The following TRAF5 variants were observed in gnomAD, a reference collection of about 807,000 sequenced individuals.
TRAF5 encodes TNF receptor associated factor 5.
A neutral mutation model predicts 64.5 loss-of-function variants in TRAF5; 48 were observed. The ratio of observed to expected loss-of-function variants is 0.74; its 90% CI spans 0.59 to 0.95. The LOEUF (loss-of-function observed/expected upper bound fraction) is 0.95, where lower values mean the gene tolerates loss of function less well. Among genes scored for constraint, TRAF5 ranks in the 40% least tolerant of loss-of-function variants. The pLI, the probability that TRAF5 is intolerant of heterozygous loss-of-function variation, is 0.00. For synonymous variants in TRAF5, 206 were observed against 240.5 expected, an observed-to-expected ratio of 0.86 and a Z score of 1.33; for missense variants, 545 against 662.8, an observed-to-expected ratio of 0.82 and a Z score of 1.95.
rs1425075213 is a variant in TRAF5, at chr1:211,372,678, C to T, written c.1650C>T (p.Asp550=). Residue 550 remains aspartate, a synonymous_variant, in exon 11 of 11, where the codon GAC becomes GAT. Coordinates refer to ENST00000261464, the MANE Select transcript of TRAF5 (RefSeq NM_001033910.3). The part of the protein sequence containing the change: ...DDTLFLKVAV[D]LTDLEDL ...CTCTGTTCTTGAAAGTGGCCGTGGA[C>T]TTAACTGACCTGGAGGATCTCTAGT... 6.2e-7 allele frequency: 1 copy of T among 1,614,136 alleles called. No individual in the cohort carries two copies. Among genetic ancestry groups the T allele is most frequent in the Non-Finnish European group, 8.5e-7 (1 of 1,180,010 alleles).
intron 1 of TRAF5, among the ~76,000 whole-genome samples, chr1:211,339,490 T>C (rs1332513512): frequency 6.6e-6 from 1 of 152,186 alleles, no homozygotes; most frequent in Non-Finnish European, 1.5e-5. Flanking sequence ...AGTGAAACCC[T>C]TGGGTAGCTG....
chr1:211,353,108 C>A, intron 1 of TRAF5, 131 bp from the exon 2 acceptor site: 2 of 932,550 alleles, frequency 2.1e-6, no homozygotes, highest in South Asian at 3.1e-5. Flanking sequence ...ACTGTTGTTT[C>A]AGAGTCACAA....
chr1:211,359,873 G>T, intron 4 of TRAF5, 39 bp from the exon 5 acceptor site: 2 of 1,612,048 alleles, frequency 1.2e-6, no homozygotes, highest in Non-Finnish European at 1.7e-6. Flanking sequence ...CTACCACCCT[G>T]GTCAGCAGGT....
intron 1 of TRAF5, among the ~76,000 whole-genome samples, chr1:211,331,756 C>T (rs1276910753): frequency 6.6e-6 from 1 of 151,960 alleles, no homozygotes; most frequent in African/African-American, 2.4e-5. Flanking sequence ...ACCTCTGCCT[C>T]GCGGGTTCAA....
chr1:211,353,200 G>C (rs778690168), intron 1 of TRAF5, 39 bp from the exon 2 acceptor site: 4 of 1,583,910 alleles, frequency 2.5e-6, no homozygotes, highest in Non-Finnish European at 1.7e-6. Context: ...TTCAGTGTTT[G>C]CACACTTAAT....
intron 7 of TRAF5, among the ~76,000 whole-genome samples, chr1:211,364,258 GT>G (rs1225520938): frequency 6.6e-6 from 1 of 152,152 alleles, no homozygotes; most frequent in Non-Finnish European, 1.5e-5. Flanking sequence ...GTAGTCTATG[GT>G]TTTGAGGGCA....
chr1:211,354,842 A>G (rs1054405257), intron 3 of TRAF5, among the ~76,000 whole-genome samples: 1 of 152,130 alleles, frequency 6.6e-6, no homozygotes, highest in Admixed American at 6.5e-5. Flanking sequence ...ATGCCTATTT[A>G]GTTCCTTTGC....
At chr1:211,358,123 A>G (rs1247349837) in intron 4 of TRAF5, 2 of 152,238 alleles carry the variant, frequency 1.3e-5, no homozygotes, top group East Asian at 3.8e-4. Flanking sequence ...TTAACTTGCC[A>G]GCATCACAAT....
chr1:211,361,464 A>G (rs1249359740), intron 7 of TRAF5, among the ~76,000 whole-genome samples: 1 of 152,018 alleles, frequency 6.6e-6, no homozygotes, highest in Non-Finnish European at 1.5e-5. Flanking sequence ...GAGGAGAAGC[A>G]TTTTTTTCTT....
intron 1 of TRAF5, among the ~76,000 whole-genome samples, chr1:211,344,228 A>ACT (rs1317107215): frequency 6.6e-6 from 1 of 152,108 alleles, no homozygotes; most frequent in Non-Finnish European, 1.5e-5. Context: ...ACTCCCATCT[A>ACT]CTCACTGTCA....
In TRAF5 at chr1:211,345,367, C is replaced by CA. The variant is rs1398250355; in HGVS notation, c.-1-7872_-1-7871insA. Reference sequence around the variant, plus strand: ...CACTGTGCCAGCCCTGCGCTCCCCCCCCCTCCTTTTTTTTTGCTTCCTGGT... The same window carrying CA: ...CACTGTGCCAGCCCTGCGCTCCCCCCACCCTCCTTTTTTTTTGCTTCCTGGT... On this transcript the variant is annotated intron_variant, in intron 1 of 10. Transcript: ENST00000261464. 2.0e-5 allele frequency among the ~76,000 whole-genome samples: 3 copies of CA among 151,926 alleles called. No individual in the cohort carries two copies. The East Asian group carries it at 5.8e-4, about 29-fold the overall frequency.
chr1:211,346,680 G>C (rs541764124), intron 1 of TRAF5, among the ~76,000 whole-genome samples: 1 of 152,266 alleles, frequency 6.6e-6, no homozygotes, highest in East Asian at 1.9e-4. Flanking sequence ...ACCTTTCTTT[G>C]TTAAACCTTA....
intron 1 of TRAF5, among the ~76,000 whole-genome samples, chr1:211,337,681 C>T (rs564671270): frequency 6.6e-6 from 1 of 151,896 alleles, no homozygotes; most frequent in African/African-American, 2.4e-5. Context: ...CTGACAGTGG[C>T]GAGGAGGAGA....
intron 1 of TRAF5, among the ~76,000 whole-genome samples, chr1:211,344,464 C>T (rs985020972): frequency 2.0e-5 from 3 of 152,220 alleles, no homozygotes; most frequent in Admixed American, 6.5e-5. Context: ...AACAGTGCGT[C>T]GGTGGACTGT....
intron 1 of TRAF5, among the ~76,000 whole-genome samples, chr1:211,350,871 C>T (rs1702763932): frequency 6.6e-6 from 1 of 152,016 alleles, no homozygotes; most frequent in African/African-American, 2.4e-5. Flanking sequence ...AGCAAGAGGG[C>T]CAGGGACCTC....
chr1:211,354,895 A>G (rs1389492485), intron 3 of TRAF5, among the ~76,000 whole-genome samples: 1 of 152,128 alleles, frequency 6.6e-6, no homozygotes, highest in East Asian at 1.9e-4. Flanking sequence ...TTGTTGAATT[A>G]TAAGAGTTAT....
intron 1 of TRAF5, among the ~76,000 whole-genome samples, chr1:211,335,598 G>A (rs1702269105): frequency 1.3e-5 from 2 of 152,190 alleles, no homozygotes; most frequent in South Asian, 2.1e-4. Flanking sequence ...CATGTCATAA[G>A]TGGGGGGGAC....
At chr1:211,363,928 A>G (rs1225954600) in intron 7 of TRAF5, among the ~76,000 whole-genome samples, 1 of 151,728 alleles carries the variant, frequency 6.6e-6, no homozygotes, top group Admixed American at 6.6e-5. Flanking sequence ...AAAAAAAAAA[A>G]AAAAGCAGAA....
intron 7 of TRAF5, among the ~76,000 whole-genome samples, chr1:211,364,553 G>T (rs1484865176): frequency 6.6e-6 from 1 of 152,132 alleles, no homozygotes; most frequent in East Asian, 1.9e-4. Flanking sequence ...AGGCATGGTG[G>T]CATGTGCCTG....
Sources: allele counts gnomAD v4.1 joint callset (sites outside exome capture counted in the v4.1 genomes callset), GRCh38; gene constraint gnomAD v4.1.1; transcripts MANE v1.5; gene names NCBI Gene and HGNC (gene_info 2026-07-23, HGNC 2026-07-21).